MTSS1: variants seen among roughly 807,000 people sequenced by gnomAD.
MTSS1 encodes the protein protein MTSS 1.
In MTSS1, 18 loss-of-function variants were observed where a neutral mutation model predicts 79.0. The ratio of observed to expected loss-of-function variants is 0.23; its 90% CI spans 0.16 to 0.34. The LOEUF is 0.34. Ranked by LOEUF, MTSS1 falls within the 10% of genes least tolerant of loss-of-function variation. MTSS1 has a pLI of 1.00. For missense variants in MTSS1, 815 were observed against 986.2 expected, an observed-to-expected ratio of 0.83 and a Z score of 2.33; for synonymous variants, 341 against 368.6, an observed-to-expected ratio of 0.93 and a Z score of 0.86.
rs1350667883 is a variant in MTSS1 at position 124,714,354 on chromosome 8, A to G, written c.73-10163T>C. Reference sequence around the variant, plus strand: ...AAAATCGGGCACAGAAAGAGTAAGTAATTTGCCCAAAGTCAGGGAAGGGCT... The same window carrying G: ...AAAATCGGGCACAGAAAGAGTAAGTGATTTGCCCAAAGTCAGGGAAGGGCT... On this transcript the variant is annotated intron_variant, in intron 1 of 13. Transcript: ENST00000518547. Among the ~76,000 whole-genome samples, 3 of 152,240 alleles carry G rather than the reference A, an allele frequency of 2.0e-5. No individual in the cohort carries two copies. The East Asian group carries it at 5.8e-4, about 29-fold the overall frequency.
intron 1 of MTSS1, among the ~76,000 whole-genome samples, chr8:124,717,363 G>A (rs1832204113): frequency 6.6e-6 from 1 of 152,304 alleles, no homozygotes; most frequent in South Asian, 2.1e-4. Context: ...GGGTGTGGTG[G>A]TGCATGTCTA....
chr8:124,716,351 G>A (rs1455096062), intron 1 of MTSS1, among the ~76,000 whole-genome samples: 1 of 152,210 alleles, frequency 6.6e-6, no homozygotes, highest in African/African-American at 2.4e-5. Context: ...ATCATGCTCT[G>A]CCTAGGCACA....
rs985419734 is a variant in MTSS1, at chr8:124,557,830, C to T, written c.1081G>A (p.Val361Met). 5.0e-6 allele frequency: 8 copies of T among 1,596,568 alleles called. No individual in the cohort carries two copies. The highest frequency in any genetic ancestry group is 3.5e-5 in the Admixed American group (2 of 57,952). The change falls in exon 11 of 14, where the codon GTG (valine) becomes ATG (methionine). Residue 361 changes from valine (V) to methionine (M), a missense_variant. Val to Met is a conservative substitution (Grantham distance 21, BLOSUM62 1). Coordinates refer to ENST00000518547, the MANE Select transcript of MTSS1 (RefSeq NM_014751.6). ...AAAAGGCCTGCACCCGTGGGCCCCA[C>T]GTGGGACTCACTTGATAAACTATAG... ...SHYSLSSESH[V>M]GPTGAGLFPH...
rs187919808 is a variant in MTSS1, at chr8:124,706,394, C to A, written c.73-2203G>T. Among the ~76,000 whole-genome samples, 1,011 of 147,436 alleles carry A rather than the reference C, an allele frequency of 6.9e-3. 12 individuals are homozygous for A. Among genetic ancestry groups the A allele is most frequent in the Admixed American group, 0.011 (165 of 15,178 alleles). On this transcript the variant is annotated intron_variant, in intron 1 of 13. Transcript: ENST00000518547. Reference sequence around the variant, plus strand: ...AATAAAGTCATTGCATTTTTTAAAACGTAAGATCAAATTAGAGGTTCTGGC... The same window carrying A: ...AATAAAGTCATTGCATTTTTTAAAAAGTAAGATCAAATTAGAGGTTCTGGC...
intron 3 of MTSS1, among the ~76,000 whole-genome samples, chr8:124,672,499 A>G (rs576198242): frequency 2.0e-4 from 30 of 151,928 alleles, no homozygotes; most frequent in Non-Finnish European, 1.9e-4. Flanking sequence ...GCCTCAAAAA[A>G]AAAAAAGAAA....
rs61708544 is a variant in MTSS1, at chr8:124,708,934, G to GA, written c.73-4744dup. Among the ~76,000 whole-genome samples, 641 of 135,662 alleles carry GA rather than the reference G, an allele frequency of 4.7e-3. 7 individuals carry two copies. The highest frequency in any genetic ancestry group is 0.026 in the South Asian group (109 of 4,218). 89.0% of individuals were successfully genotyped at this position (135,662 alleles called of 152,430 possible). Reference sequence around the variant, plus strand: ...GACAAAAACCTCCTTGTTGAGAAATGAAAAAAAAAAAAAGTGAGTAAATGT... The same window carrying GA: ...GACAAAAACCTCCTTGTTGAGAAATGAAAAAAAAAAAAAAGTGAGTAAATGT... On this transcript the variant is annotated intron_variant, in intron 1 of 13. Transcript: ENST00000518547.
intron 3 of MTSS1, 37 bp from the exon 4 acceptor site, chr8:124,591,272 G>C: frequency 7.8e-6 from 12 of 1,541,540 alleles, no homozygotes; most frequent in Non-Finnish European, 1.1e-5. Flanking sequence ...AGGGATAGAA[G>C]ACTAGCAGGG....
At chr8:124,593,247 C>T (rs913950143) in intron 3 of MTSS1, among the ~76,000 whole-genome samples, 3 of 152,212 alleles carry the variant, frequency 2.0e-5, no homozygotes, top group African/African-American at 7.2e-5. Context: ...TCTGGGCCTT[C>T]GTTTGATTAA....
chr8:124,661,845 C>A (rs975440363), intron 3 of MTSS1, among the ~76,000 whole-genome samples: 1 of 152,218 alleles, frequency 6.6e-6, no homozygotes, highest in Non-Finnish European at 1.5e-5. Context: ...GTACGGCCCA[C>A]ATCTGTCTGC....
intron 3 of MTSS1, among the ~76,000 whole-genome samples, chr8:124,604,910 T>C (rs1834530983): frequency 6.6e-6 from 1 of 152,198 alleles, no homozygotes; most frequent in African/African-American, 2.4e-5. Flanking sequence ...CCAGCAAGCA[T>C]GAGATTCTGG....
chr8:124,685,183 G>A (rs772130502), intron 3 of MTSS1, among the ~76,000 whole-genome samples: 13 of 152,206 alleles, frequency 8.5e-5, no homozygotes, highest in Admixed American at 2.6e-4. Context: ...TCATCATCCC[G>A]GTACGGGGCT....
At chr8:124,622,022 G>C (rs1813618519) in intron 3 of MTSS1, among the ~76,000 whole-genome samples, 1 of 151,590 alleles carries the variant, frequency 6.6e-6, no homozygotes, top group African/African-American at 2.4e-5. Context: ...GAACCTCCCT[G>C]ATGAATGAGT....
intron 3 of MTSS1, among the ~76,000 whole-genome samples, chr8:124,676,024 T>C (rs1003185532): frequency 2.0e-5 from 3 of 152,358 alleles, no homozygotes; most frequent in African/African-American, 4.8e-5. Flanking sequence ...ACCCTGGTCA[T>C]ATGAATGGCA....
chr8:124,715,830 A>T (rs1291975411), intron 1 of MTSS1, among the ~76,000 whole-genome samples: 6 of 152,174 alleles, frequency 3.9e-5, no homozygotes, highest in Admixed American at 2.0e-4. Flanking sequence ...TGCCAATTCC[A>T]GATGTGCTCA....
At position 124,727,989 on chromosome 8, in the gene MTSS1, C is replaced by T. The variant is rs374182226; in HGVS notation, c.-34G>A. On this transcript the variant is annotated 5_prime_UTR_variant, in exon 1 of 14. Transcript: ENST00000518547. The surrounding 1 kb of genome is among the most constrained non-coding windows in gnomAD (Gnocchi z 4.7). ...CTCCGGCAGGGCGAGGGCACACACG[C>T]GGGGCCGCTGGACTGCGCGCGGGGC... The T allele has an allele frequency of 9.4e-6, 15 of 1,597,334 alleles. No homozygotes were observed. The highest frequency in any genetic ancestry group is 1.4e-5 in the African/African-American group (1 of 73,308).
At chr8:124,628,976 T>C (rs1815296175) in intron 3 of MTSS1, among the ~76,000 whole-genome samples, 1 of 151,966 alleles carries the variant, frequency 6.6e-6, no homozygotes, top group Admixed American at 6.6e-5. Context: ...TTCAGGGAGG[T>C]TTTATTTCCC....
At chr8:124,677,699 G>A (rs186334284) in intron 3 of MTSS1, among the ~76,000 whole-genome samples, 24 of 152,228 alleles carry the variant, frequency 1.6e-4, no homozygotes, top group Non-Finnish European at 2.4e-4. Context: ...TTATTTATAG[G>A]GGAGGGAGGT....
rs11367869 is a variant in MTSS1, at chr8:124,619,672, CTT to C, written c.209-28439_209-28438del. ...AATAGATCTGGTTAATCTTTTCAGA[CTT>C]TTTTTTTTAAAGGTTTTCTGCAATC... On this transcript the variant is annotated intron_variant, in intron 3 of 13. Coordinates refer to ENST00000518547, the MANE Select transcript of MTSS1 (RefSeq NM_014751.6). 4.7e-5 allele frequency among the ~76,000 whole-genome samples: 7 copies of C among 150,476 alleles called. 1 individual carries two copies. Among genetic ancestry groups the C allele is most frequent in the Admixed American group, 2.7e-4 (4 of 15,054 alleles).
chr8:124,710,118 G>GAC (rs1171028541), intron 1 of MTSS1, among the ~76,000 whole-genome samples: 1 of 152,224 alleles, frequency 6.6e-6, no homozygotes, highest in Non-Finnish European at 1.5e-5. Context: ...ACACTGGAGT[G>GAC]ACACATTTAT....
Sources: gnomAD v4.1 joint callset for allele counts (sites outside exome capture counted in the v4.1 genomes callset) on GRCh38, gnomAD v4.1.1 for gene constraint, Gnocchi (gnomAD v3.1) non-coding constraint, MANE v1.5 for transcripts, NCBI Gene and HGNC (gene_info 2026-07-23, HGNC 2026-07-21) for gene names.